Variants in RAD51 observed in about 807,000 individuals in gnomAD.
RAD51 encodes DNA repair protein RAD51 homolog 1.
A neutral mutation model predicts 41.5 loss-of-function variants in RAD51; 14 were observed. That is an observed-to-expected ratio of 0.34 (90% CI 0.22 to 0.53). The LOEUF (loss-of-function observed/expected upper bound fraction) is 0.53, where lower values mean the gene tolerates loss of function less well. Ranked by LOEUF, RAD51 falls within the 20% of genes least tolerant of loss-of-function variation. The probability of loss-of-function intolerance (pLI) is 0.95; values close to 1 mark genes in which losing one functional copy is unlikely to be tolerated. For missense variants in RAD51, 234 were observed against 422.0 expected (o/e 0.55, Z 3.90); for synonymous variants, 136 against 148.6 (o/e 0.92, Z 0.62).
rs1896717353 is a variant in RAD51 at position 40,728,750 on chromosome 15, A to G, written c.570A>G (p.Ala190=). The change falls in exon 7 of 10, where the codon GCA becomes GCG. Residue 190 remains alanine (A), a synonymous_variant. Coordinates refer to ENST00000267868, the MANE Select transcript of RAD51 (RefSeq NM_002875.5). ...LSGSDVLDNV[A]YARAFNTDHQ... is the part of the protein sequence containing the mutation. ...GCAGTGATGTCCTGGATAATGTAGC[A>G]TATGCTCGAGCGTTCAACACAGACC... The G allele has an allele frequency of 7.4e-6, 12 of 1,614,004 alleles. No homozygotes were observed. Among genetic ancestry groups the G allele is most frequent in the Non-Finnish European group, 8.5e-6 (10 of 1,180,010 alleles).
intron 5 of RAD51, among the ~76,000 whole-genome samples, chr15:40,717,353 G>C (rs1404025763): frequency 1.3e-5 from 2 of 151,930 alleles, no homozygotes; most frequent in African/African-American, 4.8e-5. Flanking sequence ...AAAAAAGAAA[G>C]AAAAAATTTG....
chr15:40,724,840 G>A (rs1172415311), intron 6 of RAD51, among the ~76,000 whole-genome samples: 4 of 144,834 alleles, frequency 2.8e-5, no homozygotes, highest in South Asian at 2.2e-4. Flanking sequence ...CACCACACCC[G>A]GCTAATTTTT....
At chr15:40,706,380 T>C in intron 4 of RAD51, 86 bp downstream of exon 4, 1 of 1,114,790 alleles carries the variant, frequency 9.0e-7, no homozygotes, top group Non-Finnish European at 1.4e-6. Flanking sequence ...TTGTGTAGCA[T>C]TTCCTTGTTA....
In RAD51 at chr15:40,711,855, G is replaced by A. The variant is rs45488195; in HGVS notation, c.435+2739G>A. On this transcript the variant is annotated intron_variant, in intron 5 of 9. Coordinates refer to ENST00000267868, the MANE Select transcript of RAD51 (RefSeq NM_002875.5). ...TTTGGGAGGCCACGGTGGGTGGATC[G>A]CTTGAGCTCAGGAGTTTGAGACCAG... Among the ~76,000 whole-genome samples the A allele has an allele frequency of 2.0e-4, 30 of 152,144 alleles. 1 individual carries two copies. The highest frequency in any genetic ancestry group is 7.0e-4 in the African/African-American group (29 of 41,528).
intron 6 of RAD51, among the ~76,000 whole-genome samples, chr15:40,728,151 C>T (rs1896683702): frequency 6.6e-6 from 1 of 152,168 alleles, no homozygotes; most frequent in South Asian, 2.1e-4. Flanking sequence ...TGAGCCACCG[C>T]ACCTGGCCCT....
intron 5 of RAD51, among the ~76,000 whole-genome samples, chr15:40,718,495 G>A (rs1232168785): frequency 6.6e-6 from 1 of 150,740 alleles, no homozygotes; most frequent in East Asian, 2.0e-4. Context: ...TCCAGCCTGG[G>A]CAACAGTGAG....
chr15:40,727,980 C>T (rs1300738717), intron 6 of RAD51, among the ~76,000 whole-genome samples: 1 of 151,938 alleles, frequency 6.6e-6, no homozygotes, highest in Non-Finnish European at 1.5e-5. Flanking sequence ...CTGCCTCAGC[C>T]TCCCAAGTAG....
intron 6 of RAD51, among the ~76,000 whole-genome samples, chr15:40,720,736 G>C (rs1245638406): frequency 6.6e-6 from 1 of 151,752 alleles, no homozygotes; most frequent in Non-Finnish European, 1.5e-5. Context: ...ATTCACAGTA[G>C]CAAGAAAAAG....
chr15:40,696,613 C>G (rs1187664963), intron 1 of RAD51, among the ~76,000 whole-genome samples: 59 of 152,180 alleles, frequency 3.9e-4, no homozygotes, highest in Non-Finnish European at 1.3e-4. Flanking sequence ...TCCTCAGAAG[C>G]CTTCCTGTGT....
chr15:40,711,842 C>T (rs750689947), intron 5 of RAD51, among the ~76,000 whole-genome samples: 11 of 151,990 alleles, frequency 7.2e-5, no homozygotes, highest in Admixed American at 2.6e-4. Context: ...TGGGAGGCCA[C>T]GGTGGGTGGA....
chr15:40,701,856 C>G (rs1343167830), intron 3 of RAD51: 3 of 350,478 alleles, frequency 8.6e-6, no homozygotes, highest in Non-Finnish European at 5.4e-6. Context: ...TGATCTTGGT[C>G]TACTGCACCC....
chr15:40,718,098 C>G (rs1306545212), intron 5 of RAD51, among the ~76,000 whole-genome samples: 1 of 151,820 alleles, frequency 6.6e-6, no homozygotes, highest in Non-Finnish European at 1.5e-5. Flanking sequence ...GTGGTGCACA[C>G]CTATGGTCTC....
chr15:40,708,053 A>G (rs564641184), intron 4 of RAD51, among the ~76,000 whole-genome samples: 95 of 107,516 alleles, frequency 8.8e-4, no homozygotes, highest in Middle Eastern at 0.011. Context: ...GGGTCTTGCT[A>G]TGTCACCCCG....
chr15:40,720,610 G>C (rs1386878853), intron 6 of RAD51, among the ~76,000 whole-genome samples: 1 of 151,710 alleles, frequency 6.6e-6, no homozygotes, highest in Non-Finnish European at 1.5e-5. Flanking sequence ...AGAAAAACTA[G>C]AACTAAATAA....
At chr15:40,714,673 C>T (rs1271901651) in intron 5 of RAD51, among the ~76,000 whole-genome samples, 1 of 152,112 alleles carries the variant, frequency 6.6e-6, no homozygotes, top group Non-Finnish European at 1.5e-5. Flanking sequence ...ATTTCATCAG[C>T]CTAAGAGCTG....
intron 1 of RAD51, 42 bp downstream of exon 1, chr15:40,695,467 C>T (rs1016642034): frequency 6.6e-6 from 1 of 152,260 alleles, no homozygotes. Flanking sequence ...AGAGCCGCGG[C>T]TCGTCCTCGC....
At chr15:40,698,681 A>G in intron 1 of RAD51, 76 bp from the exon 2 acceptor site, 1 of 1,362,506 alleles carries the variant, frequency 7.3e-7, no homozygotes, top group Non-Finnish European at 1.0e-6. Context: ...TGATACGACT[A>G]GCTAGATAGA....
chr15:40,723,656 G>A (rs1305754484), intron 6 of RAD51, among the ~76,000 whole-genome samples: 1 of 152,160 alleles, frequency 6.6e-6, no homozygotes, highest in East Asian at 1.9e-4. Flanking sequence ...GGTTAGTGGC[G>A]ATAGGAATGA....
At chr15:40,728,341 A>G (rs577967924) in intron 6 of RAD51, among the ~76,000 whole-genome samples, 10 of 152,162 alleles carry the variant, frequency 6.6e-5, no homozygotes, top group Non-Finnish European at 1.5e-4. Context: ...GCATAGCTCC[A>G]TGCTACTTTG....
Sources: allele counts gnomAD v4.1 joint callset (sites outside exome capture counted in the v4.1 genomes callset), GRCh38; gene constraint gnomAD v4.1.1; transcripts MANE v1.5; gene names NCBI Gene and HGNC (gene_info 2026-07-23, HGNC 2026-07-21).